MGMT: variants seen among roughly 807,000 people sequenced by gnomAD.
MGMT encodes methylated-DNA--protein-cysteine methyltransferase.
MGMT carries 14 observed loss-of-function variants against 15.9 expected under a neutral mutation model. The ratio of observed to expected loss-of-function variants is 0.88; its 90% CI spans 0.58 to 1.37. The LOEUF is 1.37. Among genes scored for constraint, MGMT ranks in the 40% most tolerant of loss-of-function variants. MGMT has a pLI of 0.00. For synonymous variants in MGMT, 130 were observed against 118.2 expected, an observed-to-expected ratio of 1.10 and a Z score of -0.65; for missense variants, 282 against 268.1, an observed-to-expected ratio of 1.05 and a Z score of -0.36.
chr10:129,639,212 G>A (rs996247623), intron 2 of MGMT, among the ~76,000 whole-genome samples: 2 of 151,968 alleles, frequency 1.3e-5, no homozygotes, highest in African/African-American at 4.8e-5. Flanking sequence ...TAGATTAAAG[G>A]TAAGATATCT....
chr10:129,643,209 C>T (rs1847348320), intron 2 of MGMT, among the ~76,000 whole-genome samples: 1 of 152,086 alleles, frequency 6.6e-6, no homozygotes, highest in African/African-American at 2.4e-5. Flanking sequence ...GGTTAAGCGT[C>T]CCCCATGGCA....
chr10:129,629,952 A>C (rs997314052), intron 2 of MGMT, among the ~76,000 whole-genome samples: 1 of 152,212 alleles, frequency 6.6e-6, no homozygotes, highest in African/African-American at 2.4e-5. Flanking sequence ...TTTCACAGAG[A>C]AGGTAAATAG....
intron 1 of MGMT, among the ~76,000 whole-genome samples, chr10:129,501,349 A>G (rs1845572899): frequency 6.6e-6 from 1 of 152,212 alleles, no homozygotes; most frequent in South Asian, 2.1e-4. Flanking sequence ...ACATATGTCC[A>G]TGATGAGGGA....
At chr10:129,486,193 T>C in intron 1 of MGMT, among the ~76,000 whole-genome samples, 1 of 150,882 alleles carries the variant, frequency 6.6e-6, no homozygotes, top group Admixed American at 6.6e-5. Flanking sequence ...TTTTTTTTTT[T>C]TTTGGTGGGG....
intron 3 of MGMT, among the ~76,000 whole-genome samples, chr10:129,745,284 A>G (rs1252346818): frequency 6.6e-6 from 1 of 152,082 alleles, no homozygotes; most frequent in Non-Finnish European, 1.5e-5. Context: ...TTTGTGGGGT[A>G]TACAGTCCCG....
intron 2 of MGMT, among the ~76,000 whole-genome samples, chr10:129,646,814 TG>T (rs1847400706): frequency 6.8e-6 from 1 of 147,494 alleles, no homozygotes; most frequent in African/African-American, 2.5e-5. Flanking sequence ...TCTTGTCTGC[TG>T]GGCCAAGGTG....
intron 2 of MGMT, among the ~76,000 whole-genome samples, chr10:129,616,608 G>A (rs1203838237): frequency 6.6e-6 from 1 of 152,172 alleles, no homozygotes; most frequent in Non-Finnish European, 1.5e-5. Context: ...GGCCCTCACT[G>A]GCACCTTTGC....
At chr10:129,729,090 G>A (rs1194874676) in intron 3 of MGMT, among the ~76,000 whole-genome samples, 1 of 152,038 alleles carries the variant, frequency 6.6e-6, no homozygotes, top group Non-Finnish European at 1.5e-5. Flanking sequence ...GGGGAGGGGT[G>A]GGGACCAGAC....
chr10:129,660,735 A>G (rs1168978931), intron 2 of MGMT, among the ~76,000 whole-genome samples: 1 of 151,874 alleles, frequency 6.6e-6, no homozygotes, highest in East Asian at 1.9e-4. Context: ...ACTTCAAGGG[A>G]GACCTTTTCT....
intron 2 of MGMT, among the ~76,000 whole-genome samples, chr10:129,648,078 T>A (rs2133095364): frequency 6.6e-6 from 1 of 152,328 alleles, no homozygotes; most frequent in African/African-American, 2.4e-5. Flanking sequence ...CTGGAGGAAA[T>A]AATATAGTAT....
chr10:129,548,484 C>T (rs1192292822), intron 2 of MGMT, among the ~76,000 whole-genome samples: 2 of 152,198 alleles, frequency 1.3e-5, no homozygotes, highest in Non-Finnish European at 2.9e-5. Flanking sequence ...TATTGTACAA[C>T]CCAGCACTGC....
intron 2 of MGMT, among the ~76,000 whole-genome samples, chr10:129,626,209 G>A (rs1041561705): frequency 6.6e-6 from 1 of 152,162 alleles, no homozygotes; most frequent in Non-Finnish European, 1.5e-5. Flanking sequence ...TAAGCATGTG[G>A]GAAGGGGGAT....
Position 129,545,487 on chromosome 10 carries a change from A to G in MGMT, c.125+9110A>G, listed in dbSNP as rs187226338. ...TTGTAAAGTTACGACATGAGCTCGCATACGTGCTGGTATTAGAGCTCCTTG... is the reference window on the plus strand; with the variant it reads ...TTGTAAAGTTACGACATGAGCTCGCGTACGTGCTGGTATTAGAGCTCCTTG... On this transcript the variant is annotated intron_variant, in intron 2 of 4. Coordinates refer to ENST00000651593, the MANE Select transcript of MGMT (RefSeq NM_002412.5). Among the ~76,000 whole-genome samples the G allele has an allele frequency of 1.6e-3, 245 of 152,352 alleles. 2 individuals are homozygous for G. The highest frequency in any genetic ancestry group is 5.7e-3 in the African/African-American group (235 of 41,582).
intron 1 of MGMT, among the ~76,000 whole-genome samples, chr10:129,507,402 G>A (rs1057034603): frequency 2.6e-5 from 4 of 152,198 alleles, no homozygotes; most frequent in South Asian, 2.1e-4. Flanking sequence ...AGTTTGGTGC[G>A]GGCCGCCCTG....
chr10:129,707,858 C>T, intron 2 of MGMT, 37 bp from the exon 3 acceptor site: 4 of 1,607,512 alleles, frequency 2.5e-6, no homozygotes, highest in Non-Finnish European at 3.4e-6. Flanking sequence ...GAGGCAGGGC[C>T]CAGAGGTTTA....
intron 2 of MGMT, among the ~76,000 whole-genome samples, chr10:129,549,970 G>C (rs1333444442): frequency 6.6e-6 from 1 of 152,104 alleles, no homozygotes; most frequent in African/African-American, 2.4e-5. Flanking sequence ...TAGGGCCAGG[G>C]CTTCTGTTTA....
At chr10:129,761,208 G>A (rs1431753181) in intron 4 of MGMT, among the ~76,000 whole-genome samples, 3 of 152,196 alleles carry the variant, frequency 2.0e-5, no homozygotes, top group Non-Finnish European at 2.9e-5. Flanking sequence ...TCCTGCATCA[G>A]TGCAGTGACT....
At chr10:129,573,329 A>G (rs1846441378) in intron 2 of MGMT, among the ~76,000 whole-genome samples, 1 of 152,204 alleles carries the variant, frequency 6.6e-6, no homozygotes, top group Non-Finnish European at 1.5e-5. Context: ...CAGAAAAGTC[A>G]CAAAGATTGT....
At chr10:129,658,798 G>A (rs1176951399) in intron 2 of MGMT, among the ~76,000 whole-genome samples, 1 of 152,182 alleles carries the variant, frequency 6.6e-6, no homozygotes, top group Non-Finnish European at 1.5e-5. Flanking sequence ...CTGAAGCCTA[G>A]ATGGCCCCTT....
Sources: gnomAD v4.1 joint callset for allele counts (sites outside exome capture counted in the v4.1 genomes callset) on GRCh38, gnomAD v4.1.1 for gene constraint, MANE v1.5 for transcripts, NCBI Gene and HGNC (gene_info 2026-07-23, HGNC 2026-07-21) for gene names.